PDE8B: variants seen among roughly 807,000 people sequenced by gnomAD.
PDE8B encodes the protein high affinity cAMP-specific and IBMX-insensitive 3',5'-cyclic phosphodiesterase 8B.
PDE8B carries 26 observed loss-of-function variants against 101.3 expected under a neutral mutation model. The observed-to-expected ratio is 0.26, with a 90% CI of 0.19 to 0.36. The LOEUF is 0.36. Among genes scored for constraint, PDE8B ranks in the 10% least tolerant of loss-of-function variants. The pLI is 1.00. For missense variants in PDE8B, 810 were observed against 1,163.1 expected, an observed-to-expected ratio of 0.70 and a Z score of 4.42; for synonymous variants, 424 against 429.3, an observed-to-expected ratio of 0.99 and a Z score of 0.15.
At chr5:77,245,965 C>G (rs1379692908) in intron 1 of PDE8B, among the ~76,000 whole-genome samples, 1 of 150,824 alleles carries the variant, frequency 6.6e-6, no homozygotes, top group African/African-American at 2.4e-5. Context: ...ATCCTCTTGC[C>G]TCAGCCTTCC....
At chr5:77,172,184 A>C in the PDE8B span, among the ~76,000 whole-genome samples, 1 of 152,164 alleles carries the variant, frequency 6.6e-6, no homozygotes, top group East Asian at 1.9e-4. Flanking sequence ...TAATAACTCA[A>C]CTAGATTGCA....
intron 8 of PDE8B, among the ~76,000 whole-genome samples, chr5:77,350,178 A>G (rs1303132547): frequency 2.6e-5 from 4 of 152,348 alleles, no homozygotes; most frequent in South Asian, 2.1e-4. Flanking sequence ...GCTTCTTCAC[A>G]TACAATTTCT....
the PDE8B span, among the ~76,000 whole-genome samples, chr5:77,197,109 CTTTT>C: frequency 0.054 from 5,153 of 94,830 alleles, 118 homozygotes; most frequent in African/African-American, 0.11. Flanking sequence ...TTAAAAAAAA[CTTTT>C]TTTTTTTTTT....
chr5:77,251,057 G>C (rs1757961882), intron 1 of PDE8B, among the ~76,000 whole-genome samples: 1 of 152,202 alleles, frequency 6.6e-6, no homozygotes, highest in East Asian at 1.9e-4. Context: ...TAGGAGCATA[G>C]ACTTTGAAGT....
chr5:77,305,250 G>T (rs973265691), intron 1 of PDE8B, among the ~76,000 whole-genome samples: 1 of 152,204 alleles, frequency 6.6e-6, no homozygotes, highest in South Asian at 2.1e-4. Context: ...AGTTCCCCAG[G>T]TACTTCTAAT....
intron 10 of PDE8B, chr5:77,358,569 C>A: frequency 6.6e-6 from 2 of 300,802 alleles, no homozygotes; most frequent in Non-Finnish European, 9.8e-6. Context: ...CTCCTTAACA[C>A]AATAACCTTT....
intron 21 of PDE8B, chr5:77,426,189 ACT>A (rs1798088561): frequency 1.7e-6 from 1 of 590,936 alleles, no homozygotes; most frequent in Non-Finnish European, 3.0e-6. Context: ...TTGGAGGAAA[ACT>A]CTAGAAAGAA....
the PDE8B span, among the ~76,000 whole-genome samples, chr5:77,157,491 T>C: frequency 6.6e-6 from 1 of 152,250 alleles, no homozygotes; most frequent in East Asian, 1.9e-4. Flanking sequence ...AAAGAAAACA[T>C]GAGGGTGGCT....
chr5:77,195,812 G>T, the PDE8B span, among the ~76,000 whole-genome samples: 17 of 152,132 alleles, frequency 1.1e-4, no homozygotes, highest in Non-Finnish European at 1.6e-4. Context: ...TGTGAAAGTG[G>T]ATCATCATAA....
the PDE8B span, among the ~76,000 whole-genome samples, chr5:77,203,432 C>T: frequency 2.6e-5 from 4 of 152,194 alleles, no homozygotes; most frequent in Non-Finnish European, 5.9e-5. Flanking sequence ...AAGACTAAGT[C>T]TTTTACTTCT....
At chr5:77,248,983 A>G (rs1757526703) in intron 1 of PDE8B, among the ~76,000 whole-genome samples, 1 of 152,140 alleles carries the variant, frequency 6.6e-6, no homozygotes, top group Admixed American at 6.5e-5. Flanking sequence ...CCAGACCTTG[A>G]CCTTGGACTT....
chr5:77,310,096 C>T (rs916805632), intron 1 of PDE8B, among the ~76,000 whole-genome samples: 1 of 151,068 alleles, frequency 6.6e-6, no homozygotes, highest in Non-Finnish European at 1.5e-5. Context: ...ATTACAGGCG[C>T]CCGCCACCAT....
intron 10 of PDE8B, among the ~76,000 whole-genome samples, chr5:77,398,726 C>T (rs906567610): frequency 5.9e-5 from 9 of 152,228 alleles, no homozygotes; most frequent in East Asian, 3.9e-4. Flanking sequence ...TGATGGTTGG[C>T]ACTCAGTTCA....
chr5:77,365,984 T>C (rs1350400945), intron 10 of PDE8B, among the ~76,000 whole-genome samples: 4 of 152,222 alleles, frequency 2.6e-5, no homozygotes, highest in African/African-American at 4.8e-5. Flanking sequence ...ACAGTGAGAT[T>C]TGGGGACAAA....
intron 7 of PDE8B, among the ~76,000 whole-genome samples, chr5:77,347,662 C>T (rs534592970): frequency 7.9e-5 from 12 of 152,162 alleles, no homozygotes; most frequent in Admixed American, 2.6e-4. Flanking sequence ...AATTTAAATT[C>T]GGTGTAATAA....
At chr5:77,140,994 T>G in the PDE8B span, 1 of 152,116 alleles carries the variant, frequency 6.6e-6, no homozygotes, top group Non-Finnish European at 1.5e-5. Flanking sequence ...ATAAAAAAAT[T>G]TTCTCTGTGT....
chr5:77,134,798 G>A, the PDE8B span, among the ~76,000 whole-genome samples: 8 of 152,150 alleles, frequency 5.3e-5, no homozygotes, highest in African/African-American at 1.7e-4. Context: ...TATGGGTTGC[G>A]ATCTCAAGAC....
At chr5:77,424,780 A>T (rs1358970824) in intron 20 of PDE8B, among the ~76,000 whole-genome samples, 1 of 152,082 alleles carries the variant, frequency 6.6e-6, no homozygotes, top group South Asian at 2.1e-4. Flanking sequence ...TTACTGCTTC[A>T]AAGAGGTAAT....
upstream of PDE8B, among the ~76,000 whole-genome samples, chr5:77,208,749 A>G (rs1747711496): frequency 6.6e-6 from 1 of 152,188 alleles, no homozygotes; most frequent in African/African-American, 2.4e-5. Context: ...CTCAGCTGAC[A>G]TCTCCTAGGG....
Sources: gnomAD v4.1 joint callset for allele counts (sites outside exome capture counted in the v4.1 genomes callset) on GRCh38, gnomAD v4.1.1 for gene constraint, MANE v1.5 for transcripts, NCBI Gene and HGNC (gene_info 2026-07-23, HGNC 2026-07-21) for gene names.